Variants in CTNNA2 observed in about 807,000 individuals in gnomAD.
CTNNA2 encodes the protein catenin alpha 2, also known as catenin alpha-2.
Under a neutral mutation model 101.0 loss-of-function variants are expected in CTNNA2, and 42 were observed. That is an observed-to-expected ratio of 0.42 (90% CI 0.32 to 0.54). The LOEUF (loss-of-function observed/expected upper bound fraction) is 0.54, where lower values mean the gene tolerates loss of function less well. CTNNA2 is among the 20% of genes least tolerant of loss of function. The probability of loss-of-function intolerance (pLI) is 0.14; values close to 1 mark genes in which losing one functional copy is unlikely to be tolerated. For synonymous variants in CTNNA2, 450 were observed against 456.4 expected (o/e 0.99, Z 0.18); for missense variants, 871 against 1,223.1 (o/e 0.71, Z 4.29).
intron 7 of CTNNA2, among the ~76,000 whole-genome samples, chr2:80,318,584 C>A (rs192682513): frequency 6.6e-6 from 1 of 152,180 alleles, no homozygotes; most frequent in Admixed American, 6.6e-5. Context: ...TTCTAAAATA[C>A]CTAACAAGGT....
intron 7 of CTNNA2, among the ~76,000 whole-genome samples, chr2:80,076,324 G>T (rs1294250753): frequency 6.6e-6 from 1 of 151,582 alleles, no homozygotes; most frequent in Non-Finnish European, 1.5e-5. Context: ...TGTTGCTAAG[G>T]CTGGAGTACA....
At chr2:79,703,676 G>A (rs1685158062) in intron 2 of CTNNA2, among the ~76,000 whole-genome samples, 1 of 152,106 alleles carries the variant, frequency 6.6e-6, no homozygotes, top group African/African-American at 2.4e-5. Flanking sequence ...ATTTTGAACT[G>A]AATTATTTGT....
At chr2:79,372,234 G>GCACTGCA in intron 3 of CTNNA2, among the ~76,000 whole-genome samples, 1 of 152,210 alleles carries the variant, frequency 6.6e-6, no homozygotes, top group East Asian at 1.9e-4. Context: ...GTACAAAATA[G>GCACTGCA]CACTGCACCC....
At chr2:79,726,339 CG>C (rs1282163569) in intron 2 of CTNNA2, among the ~76,000 whole-genome samples, 1 of 152,144 alleles carries the variant, frequency 6.6e-6, no homozygotes, top group Non-Finnish European at 1.5e-5. Context: ...TCCCCAACCC[CG>C]GGGTCATGGA....
chr2:79,549,084 G>GTCCA (rs1673922380), intron 1 of CTNNA2, among the ~76,000 whole-genome samples: 1 of 152,168 alleles, frequency 6.6e-6, no homozygotes, highest in African/African-American at 2.4e-5. Flanking sequence ...ATTTCTGATT[G>GTCCA]TCCATCCAAA....
At chr2:79,878,605 A>T (rs548348235) in intron 6 of CTNNA2, among the ~76,000 whole-genome samples, 1 of 152,072 alleles carries the variant, frequency 6.6e-6, no homozygotes, top group East Asian at 1.9e-4. Context: ...GCTTTTTTTC[A>T]TGTTTGTTGG....
intron 1 of CTNNA2, among the ~76,000 whole-genome samples, chr2:79,587,013 G>A (rs770458758): frequency 1.3e-5 from 2 of 152,000 alleles, no homozygotes; most frequent in Admixed American, 6.6e-5. Flanking sequence ...TCCATTTTAC[G>A]GCTGCGTAGT....
chr2:80,378,681 C>T (rs1272902043), intron 7 of CTNNA2: 1 of 152,184 alleles, frequency 6.6e-6, no homozygotes, highest in African/African-American at 2.4e-5. Flanking sequence ...TCATTCCCCT[C>T]AGCTTATTCT....
chr2:79,842,036 A>G (rs936929369), intron 3 of CTNNA2, among the ~76,000 whole-genome samples: 6 of 152,296 alleles, frequency 3.9e-5, no homozygotes, highest in Admixed American at 1.3e-4. Flanking sequence ...TTTTGTTTCA[A>G]TAGTGTTTCA....
chr2:80,114,490 A>G (rs1701404667), intron 7 of CTNNA2, among the ~76,000 whole-genome samples: 2 of 152,208 alleles, frequency 1.3e-5, no homozygotes, highest in African/African-American at 2.4e-5. Context: ...CCTCGTGGCC[A>G]TACCCACTGG....
chr2:80,466,795 A>C (rs988567034), intron 9 of CTNNA2, among the ~76,000 whole-genome samples: 1 of 152,216 alleles, frequency 6.6e-6, no homozygotes, highest in Non-Finnish European at 1.5e-5. Context: ...TTCAATGAAA[A>C]TAAGATTATA....
chr2:79,770,132 G>T (rs1180075126), intron 3 of CTNNA2, among the ~76,000 whole-genome samples: 4 of 152,126 alleles, frequency 2.6e-5, no homozygotes, highest in African/African-American at 9.7e-5. Flanking sequence ...CCATCTAGGG[G>T]GTAGAAGTCA....
intron 7 of CTNNA2, among the ~76,000 whole-genome samples, chr2:80,256,826 GAAC>G (rs1219785865): frequency 1.3e-5 from 2 of 152,150 alleles, no homozygotes; most frequent in Admixed American, 1.3e-4. Flanking sequence ...TTCACAGCTT[GAAC>G]AACAAGAACT....
chr2:79,780,552 T>C (rs1674344660), intron 3 of CTNNA2, among the ~76,000 whole-genome samples: 1 of 152,106 alleles, frequency 6.6e-6, no homozygotes, highest in Non-Finnish European at 1.5e-5. Context: ...CAACACACAC[T>C]CAAACACATT....
chr2:80,380,165 T>G (rs531446047), intron 7 of CTNNA2, among the ~76,000 whole-genome samples: 10 of 151,372 alleles, frequency 6.6e-5, no homozygotes, highest in Admixed American at 6.6e-4. Flanking sequence ...GCCTCCTGAG[T>G]AGCTGGGATT....
chr2:80,521,726 G>A (rs1335473078), intron 9 of CTNNA2, among the ~76,000 whole-genome samples: 1 of 152,132 alleles, frequency 6.6e-6, no homozygotes, highest in Admixed American at 6.5e-5. Context: ...CTCCGGAAAA[G>A]AATATAGCAC....
At chr2:80,594,039 G>T (rs938092464) in intron 15 of CTNNA2, among the ~76,000 whole-genome samples, 2 of 152,012 alleles carry the variant, frequency 1.3e-5, no homozygotes, top group African/African-American at 4.8e-5. Flanking sequence ...AATGTTTGAG[G>T]AATCACAATA....
intron 1 of CTNNA2, among the ~76,000 whole-genome samples, chr2:79,530,092 G>A (rs571697931): frequency 2.6e-5 from 4 of 152,128 alleles, no homozygotes; most frequent in Admixed American, 2.6e-4. Context: ...TTCTGTGGTG[G>A]GAGGTTAGCT....
At chr2:80,605,730 C>A (rs1697947051) in intron 16 of CTNNA2, 1 of 151,892 alleles carries the variant, frequency 6.6e-6, no homozygotes, top group Non-Finnish European at 1.5e-5. Flanking sequence ...ACTTAAGAGT[C>A]AAGAGTCAAC....
Sources: gnomAD v4.1 joint callset for allele counts (sites outside exome capture counted in the v4.1 genomes callset) on GRCh38, gnomAD v4.1.1 for gene constraint, MANE v1.5 for transcripts, NCBI Gene and HGNC (gene_info 2026-07-23, HGNC 2026-07-21) for gene names.